TLL1: variants seen among roughly 807,000 people sequenced by gnomAD.
TLL1 encodes tolloid like 1, also known as tolloid-like protein 1.
Under a neutral mutation model 128.2 loss-of-function variants are expected in TLL1, and 49 were observed. The ratio of observed to expected loss-of-function variants is 0.38; its 90% confidence interval spans 0.30 to 0.48. TLL1 has a LOEUF of 0.48. Ranked by LOEUF, TLL1 falls within the 20% of genes least tolerant of loss-of-function variation. TLL1 has a pLI of 0.96. For missense variants in TLL1, 1,123 were observed against 1,242.0 expected, an observed-to-expected ratio of 0.90 and a Z score of 1.44; for synonymous variants, 454 against 418.8, an observed-to-expected ratio of 1.08 and a Z score of -1.03.
At chr4:165,905,852 C>T (rs938471610) in intron 1 of TLL1, among the ~76,000 whole-genome samples, 3 of 152,202 alleles carry the variant, frequency 2.0e-5, no homozygotes, top group Admixed American at 2.0e-4. Context: ...AAAGCGTCAT[C>T]GGTTGCTTTT....
At position 166,091,481 on chromosome 4, in the gene TLL1, T is replaced by C. The variant is rs1196316730; in HGVS notation, c.2656+140T>C. The C allele has an allele frequency of 7.0e-6, 5 of 719,314 alleles. No individual in the cohort carries two copies. In the African/African-American group the frequency reaches 7.1e-5, roughly 10 times the overall value. 44.6% of individuals were successfully genotyped at this position (719,314 alleles called of 1,614,324 possible). A position where few individuals can be genotyped will look rare whatever the true frequency, so the allele number is the denominator to read the frequency against. The stretch of plus-strand genomic sequence containing the variant: ...TTCACTGAAGCACTTTGTGAAATAT[T>C]TGCAGAACCATACAGCATCCTACCT... On this transcript the variant is annotated intron_variant, in intron 19 of 20. Transcript: ENST00000061240.
intron 13 of TLL1, among the ~76,000 whole-genome samples, chr4:166,055,683 A>T (rs1035373278): frequency 6.6e-6 from 1 of 152,180 alleles, no homozygotes; most frequent in African/African-American, 2.4e-5. Flanking sequence ...AAAATAATTT[A>T]TGACCTCCTT....
chr4:165,997,434 T>A (rs1036423324), intron 5 of TLL1, among the ~76,000 whole-genome samples: 1 of 152,178 alleles, frequency 6.6e-6, no homozygotes, highest in African/African-American at 2.4e-5. Flanking sequence ...GGAACATAAA[T>A]CAATTCTATT....
chr4:166,067,689 A>G (rs940391442), intron 16 of TLL1, among the ~76,000 whole-genome samples: 1 of 151,800 alleles, frequency 6.6e-6, no homozygotes, highest in Admixed American at 6.6e-5. Context: ...ATATATATGA[A>G]TCAATTAACA....
intron 1 of TLL1, among the ~76,000 whole-genome samples, chr4:165,944,285 T>C (rs537249555): frequency 6.6e-6 from 1 of 152,328 alleles, no homozygotes; most frequent in South Asian, 2.1e-4. Context: ...AACAGCAGTC[T>C]ATGCGTCTAA....
intron 5 of TLL1, among the ~76,000 whole-genome samples, 185 bp from the exon 6 acceptor site, chr4:166,003,206 G>A (rs112691438): frequency 0.013 from 2,049 of 152,258 alleles, 43 homozygotes; most frequent in African/African-American, 0.047. Context: ...TTATTTGGAA[G>A]CTTTTGTTGA....
chr4:166,098,043 T>C lies in TLL1; in HGVS notation c.2657-1234T>C, dbSNP rs537033857. Reference sequence around the variant, plus strand: ...TTAATCTCCAGTAATTAAAAAGTTATAGGGCTCTGGCCAGGTGTGGTGGCT... The same window carrying C: ...TTAATCTCCAGTAATTAAAAAGTTACAGGGCTCTGGCCAGGTGTGGTGGCT... On this transcript the variant is annotated intron_variant, in intron 19 of 20. Coordinates refer to ENST00000061240, the MANE Select transcript of TLL1 (RefSeq NM_012464.5). Among the ~76,000 whole-genome samples, 5 of 152,130 alleles carry C rather than the reference T, an allele frequency of 3.3e-5. No homozygotes were observed. In the South Asian group the frequency reaches 6.2e-4, roughly 19 times the overall value.
chr4:165,970,114 A>G (rs896903048), intron 1 of TLL1, among the ~76,000 whole-genome samples: 16 of 151,766 alleles, frequency 1.1e-4, no homozygotes, highest in African/African-American at 3.9e-4. Context: ...GCTGTAGAAG[A>G]CCTCTTTTTT....
At chr4:165,966,217 G>A (rs1735365266) in intron 1 of TLL1, among the ~76,000 whole-genome samples, 2 of 150,166 alleles carry the variant, frequency 1.3e-5, no homozygotes, top group Non-Finnish European at 3.0e-5. Context: ...AGGACAGGGA[G>A]CACTAGCAAA....
At chr4:166,099,769 T>A (rs1471542679) in intron 20 of TLL1, among the ~76,000 whole-genome samples, 3 of 152,174 alleles carry the variant, frequency 2.0e-5, no homozygotes, top group Non-Finnish European at 4.4e-5. Context: ...GTATAATTTC[T>A]TGTCACTTTT....
intron 1 of TLL1, among the ~76,000 whole-genome samples, chr4:165,912,353 C>G (rs1035416253): frequency 4.6e-5 from 7 of 152,158 alleles, no homozygotes; most frequent in Non-Finnish European, 8.8e-5. Context: ...GGAGCCCTCT[C>G]AGATCTGATC....
chr4:166,044,747 C>A (rs1421751872), intron 12 of TLL1, among the ~76,000 whole-genome samples: 2 of 152,044 alleles, frequency 1.3e-5, no homozygotes, highest in African/African-American at 4.8e-5. Context: ...AAAAAAGGCT[C>A]ATAAAAATTA....
chr4:165,878,554 G>T (rs1730823595), intron 1 of TLL1, among the ~76,000 whole-genome samples: 1 of 152,040 alleles, frequency 6.6e-6, no homozygotes, highest in Non-Finnish European at 1.5e-5. Context: ...AGTTACTGTT[G>T]TTAGGTGTGA....
intron 1 of TLL1, among the ~76,000 whole-genome samples, chr4:165,889,583 C>T (rs981721690): frequency 6.6e-6 from 1 of 152,184 alleles, no homozygotes; most frequent in Non-Finnish European, 1.5e-5. Context: ...GTTACCTGTA[C>T]TGACTTGCTG....
chr4:166,076,480 G>T (rs186009243), intron 17 of TLL1, among the ~76,000 whole-genome samples: 2 of 152,146 alleles, frequency 1.3e-5, no homozygotes, highest in African/African-American at 2.4e-5. Context: ...TAGCAAATTT[G>T]TCTGTTCATT....
At chr4:166,038,637 T>C (rs961558395) in intron 9 of TLL1, among the ~76,000 whole-genome samples, 3 of 152,210 alleles carry the variant, frequency 2.0e-5, no homozygotes, top group Admixed American at 2.0e-4. Context: ...AAGTTGTCTT[T>C]CCTAGAATTG....
chr4:166,100,927 CAT>C lies in TLL1; in HGVS notation c.*54_*55del. ...AGGAATGTGCATAATGGAGAGAAGACATATTTTTTTTAAAACTGAAGATATTG... is the reference window on the plus strand; with the variant it reads ...AGGAATGTGCATAATGGAGAGAAGACATTTTTTTTAAAACTGAAGATATTG... On this transcript the variant is annotated 3_prime_UTR_variant, in exon 21 of 21. Transcript: ENST00000061240. The C allele has an allele frequency of 6.2e-7, 1 of 1,600,926 alleles. No individual in the cohort carries two copies. Among genetic ancestry groups the C allele is most frequent in the African/African-American group, 1.3e-5 (1 of 74,424 alleles).
chr4:165,996,975 G>A (rs916585052), intron 5 of TLL1, among the ~76,000 whole-genome samples: 1 of 151,738 alleles, frequency 6.6e-6, no homozygotes, highest in African/African-American at 2.4e-5. Flanking sequence ...CTGAATTTTG[G>A]TAATTTATCT....
intron 9 of TLL1, among the ~76,000 whole-genome samples, chr4:166,034,505 T>G (rs1377997967): frequency 3.3e-5 from 5 of 152,096 alleles, no homozygotes; most frequent in Non-Finnish European, 5.9e-5. Context: ...AAAACCTTGA[T>G]GGGAAGCAAA....
Sources: gnomAD v4.1 joint callset for allele counts (sites outside exome capture counted in the v4.1 genomes callset) on GRCh38, gnomAD v4.1.1 for gene constraint, MANE v1.5 for transcripts, NCBI Gene and HGNC (gene_info 2026-07-23, HGNC 2026-07-21) for gene names.